The following DOCK1 variants were observed in gnomAD, a reference collection of about 807,000 sequenced individuals.
DOCK1 encodes the protein dedicator of cytokinesis 1.
DOCK1 carries 138 observed loss-of-function variants against 262.7 expected under a neutral mutation model. The observed-to-expected ratio is 0.53, with a 90% CI of 0.46 to 0.61. DOCK1 has a LOEUF of 0.61. DOCK1 is among the 20% of genes least tolerant of loss of function. DOCK1 has a pLI of 0.00. For missense variants in DOCK1, 1,908 were observed against 2,370.7 expected (o/e 0.80, Z 4.05); for synonymous variants, 866 against 867.4 (o/e 1.00, Z 0.03).
At chr10:127,359,028 C>A (rs548835288) in intron 32 of DOCK1, among the ~76,000 whole-genome samples, 1 of 152,106 alleles carries the variant, frequency 6.6e-6, no homozygotes, top group Admixed American at 6.5e-5. Context: ...AGTGTGTCCT[C>A]TTTTTCTTTA....
At chr10:127,325,141 G>A (rs996190730) in intron 29 of DOCK1, among the ~76,000 whole-genome samples, 4 of 145,954 alleles carry the variant, frequency 2.7e-5, no homozygotes, top group Non-Finnish European at 5.9e-5. Flanking sequence ...AAGAAAACAC[G>A]AAGCTCACAA....
At chr10:127,131,557 G>A (rs1385459909) in intron 27 of DOCK1, among the ~76,000 whole-genome samples, 2 of 152,158 alleles carry the variant, frequency 1.3e-5, no homozygotes, top group African/African-American at 4.8e-5. Flanking sequence ...AACCAGCCAC[G>A]AGCCCCCTCT....
Position 127,032,189 on chromosome 10 carries a change from C to T in DOCK1, c.1781C>T (p.Thr594Met), listed in dbSNP as rs372005171. Residue 594 changes from threonine (T) to methionine (M), a missense_variant, in exon 18 of 52, where the codon ACG (threonine) becomes ATG (methionine). Around this residue, in one of 9 missense-constraint regions of DOCK1, gnomAD observed 294 missense variants for 439.9 expected, o/e 0.67. Coordinates refer to ENST00000623213, the MANE Select transcript of DOCK1 (RefSeq NM_001290223.2). ...GCCACGTACTTGAGTCTGCCCTCCA[C>T]GAAGGCAGAGTTGGAAGAAAAGGGC... ...DAATYLSLPS[T>M]KAELEEKGHS... 5.3e-5 allele frequency: 84 copies of T among 1,599,260 alleles called. No individual in the cohort carries two copies. The African/African-American group carries it at 6.3e-4, about 12-fold the overall frequency.
intron 27 of DOCK1, among the ~76,000 whole-genome samples, chr10:127,242,209 G>A (rs2059289050): frequency 6.6e-6 from 1 of 152,192 alleles, no homozygotes. Flanking sequence ...GAGGAACTGG[G>A]AATGCATGTT....
intron 27 of DOCK1, among the ~76,000 whole-genome samples, chr10:127,154,147 A>G (rs540601743): frequency 7.3e-4 from 111 of 152,356 alleles, no homozygotes; most frequent in African/African-American, 2.5e-3. Flanking sequence ...AGAAGTGAAC[A>G]TAAGCTCCTG....
At chr10:127,169,956 A>G (rs2054411616) in intron 27 of DOCK1, among the ~76,000 whole-genome samples, 1 of 151,982 alleles carries the variant, frequency 6.6e-6, no homozygotes, top group South Asian at 2.1e-4. Flanking sequence ...ACACCACCGT[A>G]AGCGGCACCC....
At chr10:127,325,777 C>T (rs932142155) in intron 29 of DOCK1, among the ~76,000 whole-genome samples, 3 of 152,162 alleles carry the variant, frequency 2.0e-5, no homozygotes, top group South Asian at 2.1e-4. Context: ...AATTCGTTTA[C>T]GAGGACAAAG....
At chr10:127,225,278 A>C (rs967819424) in intron 27 of DOCK1, among the ~76,000 whole-genome samples, 1 of 152,252 alleles carries the variant, frequency 6.6e-6, no homozygotes, top group East Asian at 1.9e-4. Flanking sequence ...AAACAAATAC[A>C]TCTTAGTCAA....
At chr10:127,362,854 T>TACAC (rs1565026479) in intron 33 of DOCK1, among the ~76,000 whole-genome samples, 634 of 27,596 alleles carry the variant, frequency 0.023, 65 homozygotes, top group Middle Eastern at 0.05. Flanking sequence ...CACACACACA[T>TACAC]GTACATCCCC....
chr10:127,245,872 TTCTAATG>T (rs2059415609), intron 27 of DOCK1, among the ~76,000 whole-genome samples: 1 of 152,216 alleles, frequency 6.6e-6, no homozygotes, highest in East Asian at 1.9e-4. Flanking sequence ...ATTTCATTTA[TTCTAATG>T]TGTAAGTCTC....
intron 18 of DOCK1, among the ~76,000 whole-genome samples, chr10:127,034,864 GA>G (rs5788820): frequency 0.37 from 55,969 of 152,096 alleles, 10,922 homozygotes; most frequent in Non-Finnish European, 0.43. Context: ...TGACCCTGGA[GA>G]AAGGGGACTG....
At chr10:127,366,490 G>A (rs1018851874) in intron 33 of DOCK1, among the ~76,000 whole-genome samples, 1 of 152,058 alleles carries the variant, frequency 6.6e-6, no homozygotes, top group African/African-American at 2.4e-5. Context: ...TCCTCCCTCT[G>A]TCTCATCTGC....
At chr10:127,440,384 C>G (rs868117541) in intron 49 of DOCK1, among the ~76,000 whole-genome samples, 1 of 152,020 alleles carries the variant, frequency 6.6e-6, no homozygotes, top group Non-Finnish European at 1.5e-5. Flanking sequence ...AGTCTGAGTG[C>G]GAAGATGAGG....
At chr10:126,914,787 C>T (rs965422805) in intron 1 of DOCK1, among the ~76,000 whole-genome samples, 1 of 152,206 alleles carries the variant, frequency 6.6e-6, no homozygotes, top group African/African-American at 2.4e-5. Context: ...TTGCTGGCTT[C>T]ATACAATACA....
intron 10 of DOCK1, among the ~76,000 whole-genome samples, chr10:127,005,846 C>T (rs2040976659): frequency 6.6e-6 from 1 of 152,012 alleles, no homozygotes; most frequent in African/African-American, 2.4e-5. Context: ...CTTTTTAGTC[C>T]CTTTTTTGCC....
intron 38 of DOCK1, among the ~76,000 whole-genome samples, chr10:127,387,946 T>C (rs2066230947): frequency 6.6e-6 from 1 of 151,242 alleles, no homozygotes; most frequent in South Asian, 2.1e-4. Flanking sequence ...GCAAAACGAA[T>C]GTGTTCGGTT....
rs1411695943 is a variant in DOCK1 at position 127,176,219 on chromosome 10, C to G, written c.2847+48455C>G. The G allele has an allele frequency of 1.2e-6, 2 of 1,614,168 alleles. No individual in the cohort carries two copies. Among genetic ancestry groups the G allele is most frequent in the East Asian group, 2.2e-5 (1 of 44,862 alleles). Reference sequence around the variant, plus strand: ...GGCCCGAGGACAGCTGTGTGTCCCTCTGCTCATTCTGTGCCTCGCAGATAT... The same window carrying G: ...GGCCCGAGGACAGCTGTGTGTCCCTGTGCTCATTCTGTGCCTCGCAGATAT... On this transcript the variant is annotated intron_variant, in intron 27 of 51. Coordinates refer to ENST00000623213, the MANE Select transcript of DOCK1 (RefSeq NM_001290223.2). The surrounding 1 kb of genome is among the most constrained non-coding windows in gnomAD (Gnocchi z 4.4).
chr10:127,056,591 C>T (rs1369027740), intron 22 of DOCK1, among the ~76,000 whole-genome samples: 1 of 152,088 alleles, frequency 6.6e-6, no homozygotes, highest in Non-Finnish European at 1.5e-5. Flanking sequence ...TTCGTTCTTT[C>T]CTCTCTCCTT....
At chr10:127,141,064 A>T (rs1402863599) in intron 27 of DOCK1, among the ~76,000 whole-genome samples, 1 of 152,104 alleles carries the variant, frequency 6.6e-6, no homozygotes, top group African/African-American at 2.4e-5. Context: ...CTTCATGATT[A>T]TCACTTTCTC....
Sources: allele counts gnomAD v4.1 joint callset (sites outside exome capture counted in the v4.1 genomes callset), GRCh38; gene constraint gnomAD v4.1.1; regional missense constraint gnomAD v4.1.1; non-coding constraint Gnocchi (gnomAD v3.1); transcripts MANE v1.5; gene names NCBI Gene and HGNC (gene_info 2026-07-23, HGNC 2026-07-21).